Variants in SCN11A observed in about 807,000 individuals in gnomAD.
The protein encoded by SCN11A is sodium channel protein type 11 subunit alpha.
SCN11A carries 122 observed loss-of-function variants against 162.2 expected under a neutral mutation model. The observed-to-expected ratio is 0.75, with a 90% CI of 0.65 to 0.87. The LOEUF is 0.87. Among genes scored for constraint, SCN11A ranks in the 40% least tolerant of loss-of-function variants. SCN11A has a pLI of 0.00. For synonymous variants in SCN11A, 758 were observed against 751.5 expected, an observed-to-expected ratio of 1.01 and a Z score of -0.14; for missense variants, 2,015 against 2,181.6, an observed-to-expected ratio of 0.92 and a Z score of 1.52.
chr3:39,017,353 C>G lies in SCN11A; in HGVS notation c.-280+15027G>C, dbSNP rs147189637. 4.2e-4 allele frequency among the ~76,000 whole-genome samples: 64 copies of G among 152,326 alleles called. 5 individuals carry two copies. The East Asian group carries it at 0.012, about 29-fold the overall frequency. ...TGGTAATTTGTTACAGCAGCCCAAG[C>G]TGACCAAGGCAACTATTTTCTCACT... On this transcript the variant is annotated intron_variant, in intron 2 of 29. Transcript: ENST00000302328.
At chr3:39,006,995 T>C (rs1420636399) in intron 2 of SCN11A, among the ~76,000 whole-genome samples, 2 of 151,822 alleles carry the variant, frequency 1.3e-5, no homozygotes, top group African/African-American at 4.8e-5. Flanking sequence ...TGAATAGTAG[T>C]TTCATAGAGA....
At chr3:38,867,496 A>G (rs1405292619) in intron 26 of SCN11A, 38 bp from the exon 27 acceptor site, 1 of 1,525,838 alleles carries the variant, frequency 6.6e-7, no homozygotes, top group Admixed American at 1.9e-5. Context: ...AAAAACAATT[A>G]CTGGAGAAAA....
intron 26 of SCN11A, among the ~76,000 whole-genome samples, chr3:38,868,487 C>T (rs565069059): frequency 6.6e-6 from 1 of 152,166 alleles, no homozygotes; most frequent in Admixed American, 6.5e-5. Context: ...TAGGTTACTG[C>T]TTTGAGATAT....
intron 21 of SCN11A, among the ~76,000 whole-genome samples, 155 bp downstream of exon 21, chr3:38,885,133 G>T (rs572916458): frequency 6.6e-6 from 1 of 152,172 alleles, no homozygotes; most frequent in Non-Finnish European, 1.5e-5. Context: ...GCCTAGATCC[G>T]ACAATCGCCT....
chr3:38,932,686 C>A (rs1575309008), intron 7 of SCN11A, among the ~76,000 whole-genome samples: 1 of 152,210 alleles, frequency 6.6e-6, no homozygotes, highest in African/African-American at 2.4e-5. Context: ...CCCACCATTG[C>A]CCAGGCTTGC....
intron 23 of SCN11A, among the ~76,000 whole-genome samples, chr3:38,873,660 G>A (rs2065163633): frequency 6.6e-6 from 1 of 152,100 alleles, no homozygotes; most frequent in African/African-American, 2.4e-5. Flanking sequence ...TTCCTACAGA[G>A]ACCTTATACA....
chr3:38,944,678 G>C (rs1197543553), intron 7 of SCN11A, among the ~76,000 whole-genome samples: 1 of 151,794 alleles, frequency 6.6e-6, no homozygotes, highest in Non-Finnish European at 1.5e-5. Context: ...TTTAAGAATA[G>C]GGCTGCGTGC....
Position 38,894,877 on chromosome 3 carries a change from T to C in SCN11A, c.2491A>G (p.Lys831Glu), listed in dbSNP as rs1553637049. ...AATCGATCCAGTGCTAACTGGACTT[T>C]AGTTTTCCTGGCCTCTCCTTCTAAG... Reference protein sequence around the residue: ...GNLEGEARKTKVQLALDRFRR... With the variant: ...GNLEGEARKTEVQLALDRFRR... The change falls in exon 19 of 30, where the codon AAA becomes GAA. Residue 831 changes from lysine (K) to glutamate (E), a missense_variant. Lys to Glu is a moderately conservative substitution (Grantham distance 56). Transcript: ENST00000302328. 6.2e-7 allele frequency: 1 copy of C among 1,614,226 alleles called. No individual in the cohort carries two copies. Among genetic ancestry groups the C allele is most frequent in the Non-Finnish European group, 8.5e-7 (1 of 1,180,028 alleles).
At chr3:38,969,008 G>A (rs2066800646) in intron 2 of SCN11A, among the ~76,000 whole-genome samples, 1 of 152,142 alleles carries the variant, frequency 6.6e-6, no homozygotes. Context: ...AATTCTTTAT[G>A]CCCGTCACAG....
At chr3:38,901,119 C>T (rs1227619581) in intron 16 of SCN11A, among the ~76,000 whole-genome samples, 1 of 151,980 alleles carries the variant, frequency 6.6e-6, no homozygotes, top group Non-Finnish European at 1.5e-5. Context: ...CTGGGGGGAA[C>T]CTATAAACGA....
chr3:38,973,399 G>A (rs1205742969), intron 2 of SCN11A, among the ~76,000 whole-genome samples: 1 of 140,188 alleles, frequency 7.1e-6, no homozygotes, highest in Non-Finnish European at 1.5e-5. Context: ...AAATGGTGTT[G>A]AGATACACAC....
At chr3:38,902,541 G>C (rs2065718745) in intron 16 of SCN11A, among the ~76,000 whole-genome samples, 1 of 145,136 alleles carries the variant, frequency 6.9e-6, no homozygotes, top group South Asian at 2.2e-4. Flanking sequence ...TTTTTGAGAT[G>C]GAGTCTCACT....
In SCN11A at chr3:38,936,940, C is replaced by T. The variant is rs1268420043; in HGVS notation, c.488+8471G>A. On this transcript the variant is annotated intron_variant, in intron 7 of 29. Coordinates refer to ENST00000302328, the MANE Select transcript of SCN11A (RefSeq NM_001349253.2). ...TCAATCCTAAGCCAAAAGAACAAAG[C>T]TGGAGGCATCACGCTACCTGACTTC... Among the ~76,000 whole-genome samples, 262 of 150,458 alleles carry T rather than the reference C, an allele frequency of 1.7e-3. 2 individuals carry two copies. The highest frequency in any genetic ancestry group is 6.0e-3 in the African/African-American group (246 of 40,894).
chr3:39,034,044 C>G (rs2031834075), intron 1 of SCN11A, among the ~76,000 whole-genome samples: 1 of 152,080 alleles, frequency 6.6e-6, no homozygotes, highest in Non-Finnish European at 1.5e-5. Context: ...CATCTGTAAT[C>G]CCAGCTACTC....
At chr3:38,994,358 G>A (rs2030546851) in intron 2 of SCN11A, among the ~76,000 whole-genome samples, 1 of 152,200 alleles carries the variant, frequency 6.6e-6, no homozygotes, top group African/African-American at 2.4e-5. Context: ...CATTTAAGGT[G>A]AAATGCTGGA....
chr3:38,943,631 C>T (rs1419490414), intron 7 of SCN11A, among the ~76,000 whole-genome samples: 1 of 151,966 alleles, frequency 6.6e-6, no homozygotes, highest in Non-Finnish European at 1.5e-5. Context: ...ATACAGAGAA[C>T]TCAAACTGAT....
At chr3:38,921,318 AAGTAAGGAGC>A in intron 9 of SCN11A, 63 bp from the exon 10 acceptor site, 1 of 1,491,806 alleles carries the variant, frequency 6.7e-7, no homozygotes, top group South Asian at 1.2e-5. Flanking sequence ...CACAAAGGCC[AAGTAAGGAGC>A]AACTGAAGTC....
intron 2 of SCN11A, among the ~76,000 whole-genome samples, chr3:39,031,545 A>C (rs1002219995): frequency 1.3e-4 from 19 of 151,998 alleles, no homozygotes; most frequent in Admixed American, 3.3e-4. Flanking sequence ...AAACAAACAA[A>C]AAAAAAACAA....
chr3:38,882,737 G>A (rs968096977), intron 22 of SCN11A, among the ~76,000 whole-genome samples: 12 of 152,054 alleles, frequency 7.9e-5, no homozygotes, highest in Admixed American at 6.6e-4. Flanking sequence ...TGCATATAAA[G>A]CAACATCTCC....
Sources: allele counts gnomAD v4.1 joint callset (sites outside exome capture counted in the v4.1 genomes callset), GRCh38; gene constraint gnomAD v4.1.1; transcripts MANE v1.5; gene names NCBI Gene and HGNC (gene_info 2026-07-23, HGNC 2026-07-21).